The following PTPRM variants were observed in gnomAD, a reference collection of about 807,000 sequenced individuals.
PTPRM encodes the protein protein tyrosine phosphatase receptor type M.
Under a neutral mutation model 186.7 loss-of-function variants are expected in PTPRM, and 47 were observed. The observed-to-expected ratio is 0.25, with a 90% CI of 0.20 to 0.32. PTPRM has a LOEUF of 0.32. Among genes scored for constraint, PTPRM ranks in the 10% least tolerant of loss-of-function variants. PTPRM has a pLI of 1.00. For missense variants in PTPRM, 1,494 were observed against 1,865.0 expected (o/e 0.80, Z 3.66); for synonymous variants, 668 against 674.9 (o/e 0.99, Z 0.16).
At chr18:7,650,552 C>T (rs754657514) in intron 1 of PTPRM, among the ~76,000 whole-genome samples, 94 of 149,352 alleles carry the variant, frequency 6.3e-4, no homozygotes, top group Non-Finnish European at 1.1e-3. Context: ...CATTAAAGAG[C>T]CTTAAAAGTT....
intron 1 of PTPRM, among the ~76,000 whole-genome samples, chr18:7,661,728 G>C (rs900156820): frequency 6.6e-6 from 1 of 152,194 alleles, no homozygotes; most frequent in African/African-American, 2.4e-5. Flanking sequence ...TGCACTGCCA[G>C]AATATAATAC....
chr18:7,966,748 CG>C, intron 7 of PTPRM, among the ~76,000 whole-genome samples: 1 of 141,688 alleles, frequency 7.1e-6, no homozygotes, highest in East Asian at 2.0e-4. Flanking sequence ...CTTTTCAGAC[CG>C]GCTTAAAAAA....
intron 5 of PTPRM, chr18:7,947,001 C>T (rs2052573275): frequency 2.2e-6 from 1 of 456,038 alleles, no homozygotes; most frequent in South Asian, 1.5e-5. Context: ...CAGCACTGAA[C>T]ATATGGGAGG....
intron 7 of PTPRM, among the ~76,000 whole-genome samples, chr18:8,043,928 T>G (rs2086850349): frequency 6.6e-6 from 1 of 152,148 alleles, no homozygotes; most frequent in African/African-American, 2.4e-5. Flanking sequence ...TGTTAGCTAG[T>G]GCTTATAGAA....
In PTPRM at chr18:7,773,586, T is replaced by G. The variant is rs530859651; in HGVS notation, c.74-563T>G. Among the ~76,000 whole-genome samples, 257 of 148,338 alleles carry G rather than the reference T, an allele frequency of 1.7e-3. 2 individuals are homozygous for G. Among genetic ancestry groups the G allele is most frequent in the African/African-American group, 4.4e-3 (173 of 39,630 alleles). On this transcript the variant is annotated intron_variant, in intron 1 of 32. Coordinates refer to ENST00000580170, the MANE Select transcript of PTPRM (RefSeq NM_001105244.2). ...CTTTTCTTTGTTTTTTTTTTTTTTT[T>G]TTGTTTGTTTGTTTTTTGAGACAGA... is the stretch of plus-strand genomic sequence containing the variant.
At chr18:8,142,136 A>G (rs1196766712) in intron 13 of PTPRM, among the ~76,000 whole-genome samples, 1 of 152,220 alleles carries the variant, frequency 6.6e-6, no homozygotes, top group Non-Finnish European at 1.5e-5. Flanking sequence ...AGGGATATTC[A>G]TTGAATCAAA....
At chr18:8,248,875 T>C (rs1317280025) in intron 17 of PTPRM, among the ~76,000 whole-genome samples, 1 of 152,188 alleles carries the variant, frequency 6.6e-6, no homozygotes, top group Non-Finnish European at 1.5e-5. Context: ...TGGGGCAGAA[T>C]GCATTTAAAG....
At chr18:7,921,381 ATTTTTTTT>A (rs368367424) in intron 4 of PTPRM, among the ~76,000 whole-genome samples, 1 of 136,112 alleles carries the variant, frequency 7.3e-6, no homozygotes, top group African/African-American at 2.8e-5. Flanking sequence ...CCTCTAATGA[ATTTTTTTT>A]TTTTTTTTTG....
intron 1 of PTPRM, among the ~76,000 whole-genome samples, chr18:7,759,041 G>T (rs557301143): frequency 4.6e-5 from 7 of 152,322 alleles, no homozygotes; most frequent in Non-Finnish European, 7.3e-5. Flanking sequence ...ACTGTAGCTT[G>T]TCCTTCAGCA....
At chr18:7,973,537 G>A (rs991027084) in intron 7 of PTPRM, among the ~76,000 whole-genome samples, 7 of 151,950 alleles carry the variant, frequency 4.6e-5, no homozygotes, top group African/African-American at 1.7e-4. Context: ...CTGTCCTTAG[G>A]ATGCTTTCTA....
intron 7 of PTPRM, among the ~76,000 whole-genome samples, chr18:8,064,806 A>G (rs1445262192): frequency 1.3e-5 from 2 of 152,200 alleles, no homozygotes; most frequent in Non-Finnish European, 2.9e-5. Context: ...CTGCCTAGGA[A>G]TACTGAATTT....
In PTPRM at chr18:8,163,048, G is replaced by A. The variant is rs186077390; in HGVS notation, c.2300+19269G>A. 5.9e-4 allele frequency among the ~76,000 whole-genome samples: 90 copies of A among 152,270 alleles called. 2 individuals carry two copies. The East Asian group carries it at 0.014, about 24-fold the overall frequency. ...TGCAACCAGTGTCCACACGCCCCACGACAGCTAGCTCCCAAGGACTGAGCC... is the reference window on the plus strand; with the variant it reads ...TGCAACCAGTGTCCACACGCCCCACAACAGCTAGCTCCCAAGGACTGAGCC... On this transcript the variant is annotated intron_variant, in intron 14 of 32. Coordinates refer to ENST00000580170, the MANE Select transcript of PTPRM (RefSeq NM_001105244.2).
At chr18:8,251,133 A>G (rs2094524661) in intron 17 of PTPRM, among the ~76,000 whole-genome samples, 1 of 152,218 alleles carries the variant, frequency 6.6e-6, no homozygotes, top group South Asian at 2.1e-4. Context: ...CAACAGTGAC[A>G]GTTGATGTAG....
intron 1 of PTPRM, among the ~76,000 whole-genome samples, chr18:7,739,981 A>C (rs1394145085): frequency 6.6e-6 from 1 of 152,234 alleles, no homozygotes; most frequent in Admixed American, 6.5e-5. Context: ...TGTCCATTAC[A>C]GTCTCTGTTA....
chr18:7,954,333 G>C (rs2053175060), intron 6 of PTPRM, among the ~76,000 whole-genome samples: 1 of 152,160 alleles, frequency 6.6e-6, no homozygotes, highest in Non-Finnish European at 1.5e-5. Flanking sequence ...TCTATTCACT[G>C]CTTTAGTAAG....
chr18:7,961,561 G>A (rs1034409541), intron 7 of PTPRM, among the ~76,000 whole-genome samples: 6 of 152,172 alleles, frequency 3.9e-5, no homozygotes, highest in African/African-American at 1.4e-4. Flanking sequence ...GTTTAAAAAT[G>A]CACCTTCTTT....
chr18:7,762,380 T>TA (rs1032663062), intron 1 of PTPRM, among the ~76,000 whole-genome samples: 2 of 151,540 alleles, frequency 1.3e-5, no homozygotes, highest in African/African-American at 4.9e-5. Context: ...AGCATAGGGG[T>TA]AGCATATGGG....
At chr18:7,665,053 G>A (rs1200053193) in intron 1 of PTPRM, among the ~76,000 whole-genome samples, 1 of 152,158 alleles carries the variant, frequency 6.6e-6, no homozygotes, top group Non-Finnish European at 1.5e-5. Flanking sequence ...CTGGGTTGGA[G>A]GTGAAAATGT....
intron 9 of PTPRM, among the ~76,000 whole-genome samples, chr18:8,079,386 A>T (rs2090004028): frequency 6.6e-6 from 1 of 152,194 alleles, no homozygotes; most frequent in Non-Finnish European, 1.5e-5. Context: ...TGTCAATTTA[A>T]TACTGCCCTC....
Sources: gnomAD v4.1 joint callset for allele counts (sites outside exome capture counted in the v4.1 genomes callset) on GRCh38, gnomAD v4.1.1 for gene constraint, MANE v1.5 for transcripts, NCBI Gene and HGNC (gene_info 2026-07-23, HGNC 2026-07-21) for gene names.